TANC2: variants seen among roughly 807,000 people sequenced by gnomAD.
The protein encoded by TANC2 is tetratricopeptide repeat, ankyrin repeat and coiled-coil containing 2, also known as protein TANC2.
In TANC2, 26 loss-of-function variants were observed where a neutral mutation model predicts 210.5. That is an observed-to-expected ratio of 0.12 (90% confidence interval 0.09 to 0.17). TANC2 has a LOEUF of 0.17. Among genes scored for constraint, TANC2 ranks in the 10% least tolerant of loss-of-function variants. The pLI is 1.00. For missense variants in TANC2, 2,129 were observed against 2,608.9 expected, an observed-to-expected ratio of 0.82 and a Z score of 4.01; for synonymous variants, 931 against 967.1, an observed-to-expected ratio of 0.96 and a Z score of 0.69.
At chr17:63,202,851 T>C (rs72845213) in intron 7 of TANC2, among the ~76,000 whole-genome samples, 1 of 152,130 alleles carries the variant, frequency 6.6e-6, no homozygotes, top group South Asian at 2.1e-4. Flanking sequence ...TTGAATATTA[T>C]ATGTTGTTTT....
chr17:63,110,809 G>A (rs2145025465), intron 4 of TANC2, among the ~76,000 whole-genome samples: 1 of 152,258 alleles, frequency 6.6e-6, no homozygotes, highest in East Asian at 1.9e-4. Context: ...TAGCACCAAG[G>A]GTTGAGTAAT....
chr17:62,976,674 C>T (rs1241568095), intron 1 of TANC2, among the ~76,000 whole-genome samples: 1 of 151,994 alleles, frequency 6.6e-6, no homozygotes, highest in East Asian at 1.9e-4. Context: ...AAAATTTATT[C>T]AAAGATCCGT....
At chr17:63,287,141 C>A (rs1453171394) in intron 9 of TANC2, among the ~76,000 whole-genome samples, 1 of 152,092 alleles carries the variant, frequency 6.6e-6, no homozygotes, top group East Asian at 1.9e-4. Flanking sequence ...CTATGTTGGC[C>A]AGGCTGGTCT....
intron 11 of TANC2, among the ~76,000 whole-genome samples, chr17:63,332,724 A>C (rs1213978540): frequency 6.6e-6 from 1 of 152,132 alleles, no homozygotes; most frequent in Non-Finnish European, 1.5e-5. Context: ...AGCTAGAGAG[A>C]AGTCAATGCC....
intron 5 of TANC2, 34 bp downstream of exon 5, chr17:63,151,414 A>C: frequency 1.0e-6 from 1 of 957,590 alleles, no homozygotes. Flanking sequence ...GCTTTGAAAG[A>C]GGGAGGATTG....
intron 4 of TANC2, among the ~76,000 whole-genome samples, chr17:63,105,903 T>C (rs919244441): frequency 3.3e-5 from 5 of 151,674 alleles, no homozygotes; most frequent in African/African-American, 1.2e-4. Flanking sequence ...ATAGGAGACA[T>C]GCATGGTAGT....
chr17:62,989,225 A>G (rs1420669450), intron 1 of TANC2, among the ~76,000 whole-genome samples: 1 of 152,204 alleles, frequency 6.6e-6, no homozygotes, highest in East Asian at 1.9e-4. Context: ...TGAGGGCCTT[A>G]TACTTAGTTT....
exon 12 of TANC2, chr17:63,340,213 G>A (rs1598891565): frequency 2.5e-6 from 4 of 1,613,798 alleles, no homozygotes; most frequent in South Asian, 2.2e-5. Context: ...ACAGCCTATC[G>A]GGAGCAGCTT....
intron 12 of TANC2, among the ~76,000 whole-genome samples, chr17:63,341,242 C>A (rs977597154): frequency 6.6e-5 from 10 of 152,226 alleles, no homozygotes; most frequent in African/African-American, 2.4e-4. Flanking sequence ...ATCAGAATTT[C>A]TCTTTCTCCT....
chr17:63,400,072 C>T (rs891864048), intron 19 of TANC2, among the ~76,000 whole-genome samples: 1 of 152,194 alleles, frequency 6.6e-6, no homozygotes, highest in African/African-American at 2.4e-5. Flanking sequence ...GGACATCAGC[C>T]GCTCTGGAGT....
intron 9 of TANC2, among the ~76,000 whole-genome samples, chr17:63,306,010 C>G (rs1418116763): frequency 6.6e-6 from 1 of 152,328 alleles, no homozygotes; most frequent in South Asian, 2.1e-4. Flanking sequence ...AGATTTGATA[C>G]AGCAGAAAAC....
chr17:63,168,101 C>T (rs1447293690), intron 5 of TANC2, among the ~76,000 whole-genome samples: 2 of 152,052 alleles, frequency 1.3e-5, no homozygotes, highest in Non-Finnish European at 2.9e-5. Flanking sequence ...GATACGATGG[C>T]TCGTGCCTGT....
At chr17:63,206,030 T>C (rs915064628) in intron 7 of TANC2, among the ~76,000 whole-genome samples, 7 of 152,130 alleles carry the variant, frequency 4.6e-5, no homozygotes, top group Non-Finnish European at 5.9e-5. Context: ...ATTTCAAAAA[T>C]GGGAAAAAGA....
At chr17:63,097,163 C>A (rs1369334667) in intron 3 of TANC2, among the ~76,000 whole-genome samples, 1 of 151,932 alleles carries the variant, frequency 6.6e-6, no homozygotes, top group Non-Finnish European at 1.5e-5. Flanking sequence ...ACTTGAGCCT[C>A]CCAAGTAGCT....
At chr17:63,027,901 C>A (rs1222146376) in intron 2 of TANC2, among the ~76,000 whole-genome samples, 4 of 152,060 alleles carry the variant, frequency 2.6e-5, no homozygotes, top group Non-Finnish European at 5.9e-5. Flanking sequence ...AAAACAAGTT[C>A]CGCACTCCCC....
At chr17:63,320,136 A>C (rs2045449511) in intron 11 of TANC2, among the ~76,000 whole-genome samples, 1 of 152,226 alleles carries the variant, frequency 6.6e-6, no homozygotes, top group African/African-American at 2.4e-5. Flanking sequence ...TCTGGCGCCA[A>C]GGATAACATT....
intron 1 of TANC2, among the ~76,000 whole-genome samples, chr17:62,971,418 C>G (rs2031687766): frequency 6.6e-6 from 1 of 152,186 alleles, no homozygotes; most frequent in African/African-American, 2.4e-5. Context: ...CAGCCTACGT[C>G]TCCTGGGCTC....
intron 9 of TANC2, among the ~76,000 whole-genome samples, chr17:63,283,493 T>C (rs1318064702): frequency 1.3e-5 from 2 of 150,084 alleles, no homozygotes; most frequent in African/African-American, 2.4e-5. Context: ...ACTGCTAGAG[T>C]TTTTATGGAG....
Position 62,992,411 on chromosome 17 carries a change from C to T in TANC2, c.-23-17126C>T, listed in dbSNP as rs181285052. On this transcript the variant is annotated intron_variant, in intron 1 of 27. Coordinates refer to ENST00000689528, the Ensembl canonical transcript of TANC2. The stretch of plus-strand genomic sequence containing the variant: ...GTGAGATTCTGCTGTCCTCTGAACT[C>T]TTCAGACATGGTATAAATTTTTGAT... Among the ~76,000 whole-genome samples the T allele has an allele frequency of 4.9e-3, 741 of 152,264 alleles. 2 individuals are homozygous for T. Among genetic ancestry groups the T allele is most frequent in the Non-Finnish European group, 7.9e-3 (537 of 68,016 alleles).
Sources: allele counts gnomAD v4.1 joint callset (sites outside exome capture counted in the v4.1 genomes callset), GRCh38; gene constraint gnomAD v4.1.1; transcripts MANE v1.5; gene names NCBI Gene and HGNC (gene_info 2026-07-23, HGNC 2026-07-21).